Variants in TLK1 observed in about 807,000 individuals in gnomAD.
TLK1 encodes serine/threonine-protein kinase tousled-like 1.
TLK1 carries 24 observed loss-of-function variants against 105.3 expected under a neutral mutation model. The ratio of observed to expected loss-of-function variants is 0.23; its 90% CI spans 0.17 to 0.32. TLK1 has a LOEUF of 0.32. Ranked by LOEUF, TLK1 falls within the 10% of genes least tolerant of loss-of-function variation. The pLI, the probability that TLK1 is intolerant of heterozygous loss-of-function variation, is 1.00. For missense variants in TLK1, 558 were observed against 910.5 expected, an observed-to-expected ratio of 0.61 and a Z score of 4.98; for synonymous variants, 321 against 310.4, an observed-to-expected ratio of 1.03 and a Z score of -0.36.
At chr2:171,046,420 AC>A in intron 10 of TLK1, 58 bp from the exon 11 acceptor site, 1 of 1,478,924 alleles carries the variant, frequency 6.8e-7, no homozygotes, top group Non-Finnish European at 9.0e-7. Context: ...TCAAGGCTAA[AC>A]TTGGAAAAAA....
intron 12 of TLK1, among the ~76,000 whole-genome samples, chr2:171,026,663 A>G (rs1215620960): frequency 1.3e-5 from 2 of 152,182 alleles, no homozygotes; most frequent in Non-Finnish European, 2.9e-5. Context: ...TGGTTAGAAA[A>G]TAACTGGTAA....
chr2:171,162,073 A>G (rs1692516533), upstream of TLK1, among the ~76,000 whole-genome samples: 1 of 152,242 alleles, frequency 6.6e-6, no homozygotes, highest in Non-Finnish European at 1.5e-5. Context: ...ATAAACTATC[A>G]TACTAGAAAA....
chr2:171,230,638 G>A (rs1382564052), intron 1 of TLK1, among the ~76,000 whole-genome samples: 1 of 152,156 alleles, frequency 6.6e-6, no homozygotes, highest in East Asian at 1.9e-4. Context: ...CCGTCTCCTT[G>A]TTCAACAGCT....
intron 1 of TLK1, among the ~76,000 whole-genome samples, chr2:171,170,602 G>T (rs368048851): frequency 6.6e-6 from 1 of 152,204 alleles, no homozygotes; most frequent in Non-Finnish European, 1.5e-5. Context: ...TTCTCCTCTG[G>T]TAGGTACTAT....
intron 1 of TLK1, among the ~76,000 whole-genome samples, chr2:171,175,924 TTTTTTG>T (rs1312266080): frequency 2.6e-5 from 4 of 152,130 alleles, no homozygotes; most frequent in African/African-American, 7.2e-5. Flanking sequence ...TCAAGGTTTT[TTTTTTG>T]TTTTTGTTTT....
chr2:171,062,481 T>C (rs569311152), intron 3 of TLK1, among the ~76,000 whole-genome samples: 1 of 152,182 alleles, frequency 6.6e-6, no homozygotes, highest in Non-Finnish European at 1.5e-5. Flanking sequence ...CACCTCCATT[T>C]TGCCAACAAG....
intron 20 of TLK1, 74 bp downstream of exon 20, chr2:170,996,579 G>C: frequency 8.0e-7 from 1 of 1,254,476 alleles, no homozygotes; most frequent in Non-Finnish European, 1.1e-6. Flanking sequence ...TTACTGGAAA[G>C]TACTTACCTT....
At chr2:171,060,970 C>T in intron 4 of TLK1, 111 bp downstream of exon 4, 1 of 1,108,986 alleles carries the variant, frequency 9.0e-7, no homozygotes, top group South Asian at 1.6e-5. Context: ...GTGCACACAC[C>T]AAAATTTACA....
intron 1 of TLK1, among the ~76,000 whole-genome samples, chr2:171,167,696 A>G (rs1692634945): frequency 6.6e-6 from 1 of 152,244 alleles, no homozygotes; most frequent in African/African-American, 2.4e-5. Flanking sequence ...TCCATACACA[A>G]CAAAAACTGG....
At chr2:171,176,132 G>T (rs896185832) in intron 1 of TLK1, among the ~76,000 whole-genome samples, 16 of 151,958 alleles carry the variant, frequency 1.1e-4, no homozygotes, top group Non-Finnish European at 1.9e-4. Context: ...TAGACACAGG[G>T]TTTCTCCATG....
chr2:171,037,915 T>C (rs1028573652), intron 11 of TLK1, among the ~76,000 whole-genome samples: 4 of 152,190 alleles, frequency 2.6e-5, no homozygotes, highest in African/African-American at 9.7e-5. Context: ...TCAAAAAAGT[T>C]TGTAAAAGAC....
At chr2:171,042,548 A>C (rs1267565556) in intron 11 of TLK1, among the ~76,000 whole-genome samples, 1 of 152,138 alleles carries the variant, frequency 6.6e-6, no homozygotes, top group Admixed American at 6.6e-5. Flanking sequence ...ACCCAGCCTA[A>C]ATGCTTGTGT....
intron 3 of TLK1, among the ~76,000 whole-genome samples, chr2:171,077,671 TG>T (rs1178831849): frequency 2.6e-5 from 4 of 152,254 alleles, no homozygotes; most frequent in African/African-American, 9.6e-5. Context: ...AGGATCCCTC[TG>T]TAACTTTTAA....
At chr2:171,071,711 T>C (rs1208501459) in intron 3 of TLK1, among the ~76,000 whole-genome samples, 1 of 152,190 alleles carries the variant, frequency 6.6e-6, no homozygotes, top group Non-Finnish European at 1.5e-5. Context: ...CAGTTTGAGG[T>C]CTTTTTAGAT....
intron 1 of TLK1, chr2:171,155,787 T>C (rs756372705): frequency 2.0e-5 from 3 of 152,218 alleles, no homozygotes; most frequent in African/African-American, 7.2e-5. Context: ...CCAAGTCTAG[T>C]TGTCATACAG....
intron 12 of TLK1, 54 bp downstream of exon 12, chr2:171,028,285 C>T (rs1393308057): frequency 6.2e-6 from 8 of 1,291,252 alleles, no homozygotes; most frequent in Non-Finnish European, 9.0e-6. Flanking sequence ...AACACAACTT[C>T]CCACAAATTC....
Position 170,993,668 on chromosome 2 carries a change from T to A in TLK1, c.*112A>T, listed in dbSNP as rs1433679668. ...AAACAGTTCTTAACCACGTCTTGTG[T>A]AAAAAAAAAAAAAAAAAAAAAAGAA... On this transcript the variant is annotated 3_prime_UTR_variant, in exon 21 of 21. Coordinates refer to ENST00000431350, the MANE Select transcript of TLK1 (RefSeq NM_012290.5). The A allele has an allele frequency of 2.3e-5, 10 of 433,792 alleles. No individual in the cohort carries two copies. Among genetic ancestry groups the A allele is most frequent in the South Asian group, 7.2e-5 (1 of 13,934 alleles). 26.9% of individuals were successfully genotyped at this position (433,792 alleles called of 1,614,324 possible).
chr2:171,083,914 TAAG>T (rs1313059302), intron 2 of TLK1, among the ~76,000 whole-genome samples: 4 of 152,128 alleles, frequency 2.6e-5, no homozygotes, highest in African/African-American at 7.2e-5. Flanking sequence ...CAGCAGCAAT[TAAG>T]AAGTAATACA....
chr2:171,195,646 T>C (rs1202769685), intron 1 of TLK1, among the ~76,000 whole-genome samples: 1 of 152,206 alleles, frequency 6.6e-6, no homozygotes, highest in African/African-American at 2.4e-5. Context: ...ATCAACACTG[T>C]TCATTTTGTA....
Sources: gnomAD v4.1 joint callset for allele counts (sites outside exome capture counted in the v4.1 genomes callset) on GRCh38, gnomAD v4.1.1 for gene constraint, MANE v1.5 for transcripts, NCBI Gene and HGNC (gene_info 2026-07-23, HGNC 2026-07-21) for gene names.